YAE1: variants seen among roughly 807,000 people sequenced by gnomAD.
The protein encoded by YAE1 is YAE1 maturation factor of ABCE1, also known as protein YAE1 homolog.
YAE1 carries 22 observed loss-of-function variants against 23.0 expected under a neutral mutation model. That is an observed-to-expected ratio of 0.96 (90% CI 0.68 to 1.37). YAE1 has a LOEUF of 1.37. Ranked by LOEUF, YAE1 falls within the 40% of genes most tolerant of loss-of-function variation. The pLI is 0.00. For missense variants in YAE1, 260 were observed against 262.1 expected, an observed-to-expected ratio of 0.99 and a Z score of 0.06; for synonymous variants, 101 against 97.0, an observed-to-expected ratio of 1.04 and a Z score of -0.24.
In YAE1 at chr7:39,566,492, A is replaced by G; in HGVS notation, c.74A>G (p.Asp25Gly). 1 of 1,614,184 alleles carries G rather than the reference A, an allele frequency of 6.2e-7. No homozygotes were observed. The highest frequency in any genetic ancestry group is 8.5e-7 in the Non-Finnish European group (1 of 1,180,012). ...DKGDVFDEEA[D>G]ESLLAQREWQ... ...GGGGACGTGTTTGACGAAGAAGCAG[A>G]CGAGTCGCTCCTGGCGCAGCGGGAA... Residue 25 changes from aspartate (D) to glycine (G), a missense_variant, in exon 1 of 3, where the codon GAC becomes GGC. Transcript: ENST00000223273.
chr7:39,570,792 T>C, intron 2 of YAE1, 165 bp downstream of exon 2: 1 of 795,458 alleles, frequency 1.3e-6, no homozygotes, highest in Non-Finnish European at 1.8e-6. Context: ...TCAAAATCTT[T>C]ATCAGCTCAT....
intron 2 of YAE1, among the ~76,000 whole-genome samples, chr7:39,608,939 G>T (rs985383839): frequency 6.6e-6 from 1 of 152,114 alleles, no homozygotes; most frequent in Non-Finnish European, 1.5e-5. Context: ...ACTGAGTCAG[G>T]GTTCATTTTA....
intron 2 of YAE1, among the ~76,000 whole-genome samples, chr7:39,580,878 G>A (rs1480086148): frequency 6.6e-6 from 1 of 152,058 alleles, no homozygotes; most frequent in Non-Finnish European, 1.5e-5. Flanking sequence ...AAAGAAAAAA[G>A]CACCTTTTTT....
chr7:39,567,461 C>T (rs1790490970), intron 1 of YAE1, among the ~76,000 whole-genome samples: 2 of 152,014 alleles, frequency 1.3e-5, no homozygotes, highest in Non-Finnish European at 2.9e-5. Flanking sequence ...GACTTCTCAT[C>T]ATCCTTTTTT....
intron 2 of YAE1, among the ~76,000 whole-genome samples, chr7:39,603,328 A>G (rs550491376): frequency 6.6e-6 from 1 of 152,032 alleles, no homozygotes; most frequent in Non-Finnish European, 1.5e-5. Flanking sequence ...TTTAGTAGAG[A>G]CGGGTTTCAC....
chr7:39,606,761 T>C (rs1371763075), intron 2 of YAE1, among the ~76,000 whole-genome samples: 3 of 152,214 alleles, frequency 2.0e-5, no homozygotes, highest in Non-Finnish European at 4.4e-5. Flanking sequence ...TGAGATGCCA[T>C]ACAGAATGAA....
At chr7:39,597,801 G>GT (rs201060560) in intron 2 of YAE1, among the ~76,000 whole-genome samples, 4,598 of 152,160 alleles carry the variant, frequency 0.03, 108 homozygotes, top group Admixed American at 0.069. Flanking sequence ...TGAGATGCTG[G>GT]TTTTTGTCCC....
downstream of YAE1, among the ~76,000 whole-genome samples, chr7:39,575,492 G>A (rs568201252): frequency 6.7e-6 from 1 of 149,810 alleles, no homozygotes; most frequent in African/African-American, 2.4e-5. Context: ...TTCCAACTAA[G>A]GTTAGAGCTT....
intron 2 of YAE1, among the ~76,000 whole-genome samples, chr7:39,605,984 A>G (rs1044572263): frequency 4.6e-5 from 7 of 151,966 alleles, no homozygotes; most frequent in Non-Finnish European, 7.4e-5. Context: ...TCTTTTTACT[A>G]GAAAATTGAA....
At chr7:39,597,960 T>C (rs1288332738) in intron 2 of YAE1, among the ~76,000 whole-genome samples, 3 of 152,100 alleles carry the variant, frequency 2.0e-5, no homozygotes, top group Non-Finnish European at 4.4e-5. Flanking sequence ...GAAAAATTTT[T>C]CTTTTTTTTC....
intron 2 of YAE1, among the ~76,000 whole-genome samples, chr7:39,588,401 A>C (rs141395511): frequency 4.5e-4 from 68 of 151,726 alleles, no homozygotes; most frequent in African/African-American, 1.5e-3. Flanking sequence ...AATCCCAGCT[A>C]CTCAGGTGGC....
At chr7:39,568,730 C>A (rs992750702) in intron 1 of YAE1, among the ~76,000 whole-genome samples, 2 of 152,092 alleles carry the variant, frequency 1.3e-5, no homozygotes, top group Admixed American at 1.3e-4. Context: ...AAGAAAAATA[C>A]AAGAGAAAAT....
chr7:39,604,972 G>C (rs2115850464), intron 2 of YAE1, among the ~76,000 whole-genome samples: 1 of 152,346 alleles, frequency 6.6e-6, no homozygotes, highest in East Asian at 1.9e-4. Flanking sequence ...CTTACTCTGA[G>C]TAGTTCCAAA....
intron 2 of YAE1, among the ~76,000 whole-genome samples, chr7:39,587,636 C>T (rs1442080772): frequency 6.6e-6 from 1 of 152,162 alleles, no homozygotes. Context: ...TGCCACATCC[C>T]CTGCTTTGGG....
In YAE1 at chr7:39,572,153, AAG is replaced by A. The variant is rs543340980; in HGVS notation, c.252-121_252-120del. 1.4e-3 allele frequency: 1,435 copies of A among 1,018,922 alleles called. 3 individuals are homozygous for A. The highest frequency in any genetic ancestry group is 2.3e-3 in the South Asian group (127 of 54,402). The allele number at this position is 1,018,922 out of a possible 1,614,324, so 63.1% of individuals were successfully genotyped here. A position where few individuals can be genotyped will look rare whatever the true frequency, so the allele number is the denominator to read the frequency against. On this transcript the variant is annotated intron_variant, in intron 2 of 2. Transcript: ENST00000223273. ...AGGAAAAGCGTATATAGAGTTATGA[AAG>A]AGGGGTTATGAATTATAAACAGTTT...
intron 2 of YAE1, among the ~76,000 whole-genome samples, chr7:39,596,796 G>A (rs1201036926): frequency 1.3e-5 from 2 of 152,038 alleles, no homozygotes; most frequent in African/African-American, 2.4e-5. Context: ...CCTTAGGTCA[G>A]TACCTAGAAT....
chr7:39,587,592 T>C (rs1360516478), intron 2 of YAE1, among the ~76,000 whole-genome samples: 3 of 152,338 alleles, frequency 2.0e-5, no homozygotes, highest in Non-Finnish European at 4.4e-5. Context: ...ACAGCAGCAC[T>C]GCTCTGGGTC....
chr7:39,600,345 G>A (rs1583683705), intron 2 of YAE1, among the ~76,000 whole-genome samples: 1 of 151,922 alleles, frequency 6.6e-6, no homozygotes, highest in African/African-American at 2.4e-5. Context: ...AATGGGATGG[G>A]CCCCTAATCT....
In YAE1 at chr7:39,572,419, G is replaced by T. The variant is rs761433770; in HGVS notation, c.394G>T (p.Asp132Tyr). 1.9e-6 allele frequency: 3 copies of T among 1,613,990 alleles called. No homozygotes were observed. Among genetic ancestry groups the T allele is most frequent in the Non-Finnish European group, 2.5e-6 (3 of 1,179,986 alleles). Residue 132 changes from aspartate to tyrosine, a missense_variant, in exon 3 of 3, where the codon GAT becomes TAT. Coordinates refer to ENST00000223273, the MANE Select transcript of YAE1 (RefSeq NM_020192.5). ...AATCACTCCACCGTCCCATGTTGTA[G>T]ATTTATTGGACTCCATTGAGGATAT... ...KSITPPSHVVDLLDSIEDMDL... is the reference protein window; with the variant it reads ...KSITPPSHVVYLLDSIEDMDL...
Sources: allele counts gnomAD v4.1 joint callset (sites outside exome capture counted in the v4.1 genomes callset), GRCh38; gene constraint gnomAD v4.1.1; transcripts MANE v1.5; gene names NCBI Gene and HGNC (gene_info 2026-07-23, HGNC 2026-07-21).